Variants in SAFB observed in about 807,000 individuals in gnomAD.
The protein encoded by SAFB is scaffold attachment factor B.
In SAFB, 15 loss-of-function variants were observed where a neutral mutation model predicts 101.6. That is an observed-to-expected ratio of 0.15 (90% CI 0.10 to 0.23). The LOEUF (loss-of-function observed/expected upper bound fraction) is 0.23. Among genes scored for constraint, SAFB ranks in the 10% least tolerant of loss-of-function variants. SAFB has a pLI of 1.00. For synonymous variants in SAFB, 449 were observed against 407.5 expected (o/e 1.10, Z -1.23); for missense variants, 930 against 1,104.1 (o/e 0.84, Z 2.23).
rs1568285823 is a variant in SAFB at position 5,667,903 on chromosome 19, G to GC, written c.2624+18dup. On this transcript the variant is annotated intron_variant, in intron 20 of 20. Transcript: ENST00000588852. This position sits in a 1 kb window ranked among gnomAD's most constrained non-coding sequence, Gnocchi z 4.0. ...AATGTCAGGGTAAGGCATGCTGGGG[G>GC]CGGCGCCCCTTCCCCCTGCTTTGCA... The GC allele has an allele frequency of 6.3e-7, 1 of 1,589,038 alleles. No homozygotes were observed. The highest frequency in any genetic ancestry group is 1.8e-5 in the Admixed American group (1 of 56,260).
In SAFB at chr19:5,652,931, G is replaced by GATT. The variant is rs1183546878; in HGVS notation, c.1294-182_1294-180dup. Among the ~76,000 whole-genome samples, 8 of 152,284 alleles carry GATT rather than the reference G, an allele frequency of 5.3e-5. No individual in the cohort carries two copies. The East Asian group carries it at 1.3e-3, about 26-fold the overall frequency. On this transcript the variant is annotated intron_variant, in intron 9 of 20. Transcript: ENST00000588852. ...GGCCCCCTTGAGGAACTAGATGAGC[G>GATT]ATTAGAACTGGCCAGAGGTCCTTGG...
At chr19:5,642,465 C>CA (rs1374696147) in intron 4 of SAFB, among the ~76,000 whole-genome samples, 3 of 135,922 alleles carry the variant, frequency 2.2e-5, no homozygotes, top group Non-Finnish European at 3.2e-5. Context: ...TTAAAACAAA[C>CA]AAACAAAAAA....
intron 2 of SAFB, among the ~76,000 whole-genome samples, chr19:5,636,765 G>A (rs948908303): frequency 6.6e-6 from 1 of 151,850 alleles, no homozygotes; most frequent in African/African-American, 2.4e-5. Flanking sequence ...GCTGAGTGCA[G>A]TGGCACAATC....
At chr19:5,646,880 G>T (rs563983842) in intron 5 of SAFB, among the ~76,000 whole-genome samples, 1 of 152,124 alleles carries the variant, frequency 6.6e-6, no homozygotes, top group Non-Finnish European at 1.5e-5. Context: ...ACTCATACAC[G>T]GCCTTTGCTC....
At chr19:5,628,473 A>G (rs2053417293) in intron 2 of SAFB, among the ~76,000 whole-genome samples, 1 of 152,194 alleles carries the variant, frequency 6.6e-6, no homozygotes, top group Non-Finnish European at 1.5e-5. Flanking sequence ...CATATTTTTT[A>G]TAATTTTGTG....
intron 5 of SAFB, among the ~76,000 whole-genome samples, chr19:5,646,121 A>G (rs998452528): frequency 2.0e-5 from 3 of 152,136 alleles, no homozygotes; most frequent in Non-Finnish European, 4.4e-5. Context: ...AATTCTTAGG[A>G]GAACTTTTTG....
Position 5,667,275 on chromosome 19 carries a change from G to A in SAFB, c.2454-72G>A. 2 of 1,319,096 alleles carry A rather than the reference G, an allele frequency of 1.5e-6. No homozygotes were observed. The highest frequency in any genetic ancestry group is 1.0e-6 in the Non-Finnish European group (1 of 973,926). The allele number at this position is 1,319,096 out of a possible 1,614,324, so 81.7% of individuals were successfully genotyped here. ...GAAACACAGAGGGATTCACTCTCCA[G>A]AAGCCGCCACAGTTATTAGCACAAG... is the stretch of plus-strand genomic sequence containing the variant. On this transcript the variant is annotated intron_variant, in intron 18 of 20. Coordinates refer to ENST00000588852, the MANE Select transcript of SAFB (RefSeq NM_001201338.2). The surrounding 1 kb of genome is among the most constrained non-coding windows in gnomAD (Gnocchi z 4.0).
chr19:5,665,463 G>C (rs1194793897), intron 17 of SAFB: 1 of 152,012 alleles, frequency 6.6e-6, no homozygotes. Context: ...ACATGAGGTG[G>C]GCGCATCTGT....
At chr19:5,632,203 T>G (rs1371545431) in intron 2 of SAFB, among the ~76,000 whole-genome samples, 1 of 152,248 alleles carries the variant, frequency 6.6e-6, no homozygotes, top group Non-Finnish European at 1.5e-5. Flanking sequence ...AATCCTTTGC[T>G]GCTGGCTTGT....
chr19:5,634,504 G>A (rs1047625036), intron 2 of SAFB, among the ~76,000 whole-genome samples: 5 of 151,980 alleles, frequency 3.3e-5, no homozygotes, highest in African/African-American at 1.2e-4. Context: ...TAATAAGAAA[G>A]ACCTGAAGTA....
At chr19:5,630,853 T>G (rs1198229701) in intron 2 of SAFB, among the ~76,000 whole-genome samples, 3 of 152,186 alleles carry the variant, frequency 2.0e-5, no homozygotes, top group South Asian at 2.1e-4. Context: ...TTAATTAATT[T>G]AGAATGTATT....
intron 15 of SAFB, among the ~76,000 whole-genome samples, chr19:5,663,112 C>T (rs1157585291): frequency 1.3e-5 from 2 of 152,136 alleles, no homozygotes; most frequent in Non-Finnish European, 2.9e-5. Flanking sequence ...AAGCAATTCT[C>T]CTGCTTCACT....
At chr19:5,629,514 CTG>C (rs1219986146) in intron 2 of SAFB, among the ~76,000 whole-genome samples, 1 of 152,038 alleles carries the variant, frequency 6.6e-6, no homozygotes, top group Non-Finnish European at 1.5e-5. Context: ...CAAAATCTCA[CTG>C]TTTTTTAACA....
In SAFB at chr19:5,626,879, TA is replaced by T. The variant is rs1446684339; in HGVS notation, c.274+391del. Among the ~76,000 whole-genome samples, 3 of 151,336 alleles carry T rather than the reference TA, an allele frequency of 2.0e-5. No homozygotes were observed. The East Asian group carries it at 5.9e-4, about 30-fold the overall frequency. ...TGGGCAACATAGCAAAACCCAGCTC[TA>T]CAAAAAAACTTTTAAAGGCCCGGTG... is the stretch of plus-strand genomic sequence containing the variant. On this transcript the variant is annotated intron_variant, in intron 2 of 20. Coordinates refer to ENST00000588852, the MANE Select transcript of SAFB (RefSeq NM_001201338.2).
chr19:5,627,816 G>A (rs1374050530), intron 2 of SAFB, among the ~76,000 whole-genome samples: 1 of 152,182 alleles, frequency 6.6e-6, no homozygotes, highest in South Asian at 2.1e-4. Context: ...CCGTGGCATA[G>A]TTCCTTACCC....
At position 5,623,308 on chromosome 19, in the gene SAFB, C is replaced by A. The variant is rs371434376; in HGVS notation, c.103C>A (p.Arg35=). 6.2e-7 allele frequency: 1 copy of A among 1,613,916 alleles called. No homozygotes were observed. The highest frequency in any genetic ancestry group is 1.3e-5 in the African/African-American group (1 of 74,936). The change falls in exon 1 of 21, where the codon CGA becomes AGA. Residue 35 remains arginine, a synonymous_variant. Transcript: ENST00000588852. ...ETGTRRLSDL[R]VIDLRAELRK... is the part of the protein sequence containing the mutation. ...CGGGACGCGGCGCCTCAGCGACCTG[C>A]GAGTGATCGATCTGCGGGCGGAGCT...
At chr19:5,623,526 C>T (rs1173282106) in intron 1 of SAFB, 132 bp downstream of exon 1, 6 of 712,608 alleles carry the variant, frequency 8.4e-6, no homozygotes, top group Non-Finnish European at 1.3e-5. Flanking sequence ...TCTCGCGTCC[C>T]CCGGCTCCTC....
chr19:5,663,293 G>A (rs1599386437), intron 15 of SAFB, among the ~76,000 whole-genome samples: 2 of 152,280 alleles, frequency 1.3e-5, no homozygotes, highest in East Asian at 1.9e-4. Context: ...GAGCCACTAC[G>A]CCCGGCAGTA....
intron 2 of SAFB, among the ~76,000 whole-genome samples, chr19:5,641,020 C>G (rs954054387): frequency 1.6e-4 from 24 of 151,750 alleles, no homozygotes; most frequent in Admixed American, 1.4e-3. Flanking sequence ...ACCTCCGCCT[C>G]CTGGGTTCAA....
Sources: gnomAD v4.1 joint callset for allele counts (sites outside exome capture counted in the v4.1 genomes callset) on GRCh38, gnomAD v4.1.1 for gene constraint, Gnocchi (gnomAD v3.1) non-coding constraint, MANE v1.5 for transcripts, NCBI Gene and HGNC (gene_info 2026-07-23, HGNC 2026-07-21) for gene names.